Variants in RSRC1 observed in about 807,000 individuals in gnomAD.
RSRC1 encodes the protein arginine and serine rich coiled-coil 1.
A neutral mutation model predicts 49.1 loss-of-function variants in RSRC1; 39 were observed. The observed-to-expected ratio is 0.79, with a 90% CI of 0.61 to 1.04. RSRC1 has a LOEUF of 1.04. RSRC1 is among the 50% of genes least tolerant of loss of function. The probability of loss-of-function intolerance (pLI) is 0.00; values close to 1 mark genes in which losing one functional copy is unlikely to be tolerated. For synonymous variants in RSRC1, 143 were observed against 130.8 expected (o/e 1.09, Z -0.63); for missense variants, 388 against 402.4 (o/e 0.96, Z 0.31).
chr3:158,283,535 C>T (rs1328128768), intron 4 of RSRC1, among the ~76,000 whole-genome samples: 2 of 152,062 alleles, frequency 1.3e-5, no homozygotes, highest in Non-Finnish European at 2.9e-5. Context: ...TAGCACAAGA[C>T]CATTTCGTGA....
intron 6 of RSRC1, among the ~76,000 whole-genome samples, chr3:158,358,124 G>A (rs1731259184): frequency 6.6e-6 from 1 of 152,142 alleles, no homozygotes. Context: ...TTAAAAAAAT[G>A]TACCTATAGG....
chr3:158,198,209 C>G (rs1210284232), intron 3 of RSRC1, among the ~76,000 whole-genome samples: 2 of 152,074 alleles, frequency 1.3e-5, no homozygotes, highest in East Asian at 1.9e-4. Context: ...GGATAGTTAG[C>G]TCTTCTTGTT....
At chr3:158,421,955 C>T (rs995785600) in intron 6 of RSRC1, among the ~76,000 whole-genome samples, 10 of 151,782 alleles carry the variant, frequency 6.6e-5, no homozygotes, top group African/African-American at 2.4e-4. Context: ...CATCCCTATC[C>T]ATTCCTACCC....
At chr3:158,123,382 T>G (rs1402466263) in intron 2 of RSRC1, among the ~76,000 whole-genome samples, 3 of 152,118 alleles carry the variant, frequency 2.0e-5, no homozygotes, top group Non-Finnish European at 4.4e-5. Flanking sequence ...GTCATATCTT[T>G]TGGACTCAAG....
At chr3:158,418,244 C>G (rs1734852626) in intron 6 of RSRC1, among the ~76,000 whole-genome samples, 1 of 151,840 alleles carries the variant, frequency 6.6e-6, no homozygotes, top group African/African-American at 2.4e-5. Flanking sequence ...TCAATAAAAG[C>G]CAAGGATATG....
At chr3:158,297,435 T>A (rs1037579224) in intron 4 of RSRC1, among the ~76,000 whole-genome samples, 13 of 152,002 alleles carry the variant, frequency 8.6e-5, no homozygotes, top group African/African-American at 3.1e-4. Context: ...TTGGTGATAT[T>A]TTCTTTTTTG....
intron 4 of RSRC1, 110 bp downstream of exon 4, chr3:158,203,355 A>G (rs901235532): frequency 5.4e-6 from 6 of 1,109,070 alleles, no homozygotes; most frequent in Non-Finnish European, 7.5e-6. Context: ...CTATAAGAGT[A>G]GAAGAAAATG....
chr3:158,408,276 A>C (rs1267860763), intron 6 of RSRC1, among the ~76,000 whole-genome samples: 1 of 152,220 alleles, frequency 6.6e-6, no homozygotes, highest in Non-Finnish European at 1.5e-5. Flanking sequence ...GTCACCAGAG[A>C]CATATGGAAA....
chr3:158,118,413 C>CTGTGTGTGTGTGTGTG (rs57257889), intron 1 of RSRC1, among the ~76,000 whole-genome samples: 41 of 90,132 alleles, frequency 4.5e-4, no homozygotes, highest in East Asian at 2.0e-3. Context: ...ACCTGGCCTT[C>CTGTGTGTGTGTGTGTG]TGTGTGTGTG....
At chr3:158,288,830 T>TCC (rs1288963294) in intron 4 of RSRC1, among the ~76,000 whole-genome samples, 7 of 14,210 alleles carry the variant, frequency 4.9e-4, no homozygotes, top group African/African-American at 1.0e-3. Flanking sequence ...AGATGCACGT[T>TCC]CCCCGCCCCC....
At chr3:158,382,582 C>T (rs1732758286) in intron 6 of RSRC1, among the ~76,000 whole-genome samples, 1 of 152,142 alleles carries the variant, frequency 6.6e-6, no homozygotes, top group South Asian at 2.1e-4. Context: ...GCCTGGCCAG[C>T]TACCCCCTAC....
chr3:158,158,726 G>A (rs1343995292), intron 3 of RSRC1, among the ~76,000 whole-genome samples: 2 of 152,000 alleles, frequency 1.3e-5, no homozygotes, highest in Non-Finnish European at 2.9e-5. Context: ...GATCACTTGA[G>A]GTCAGGAGTT....
At chr3:158,158,035 A>G (rs183520251) in intron 3 of RSRC1, among the ~76,000 whole-genome samples, 28 of 152,354 alleles carry the variant, frequency 1.8e-4, no homozygotes, top group African/African-American at 6.0e-4. Context: ...GACAGGCTCA[A>G]GCAAGCTTCC....
chr3:158,358,434 C>T (rs6441190), intron 6 of RSRC1, among the ~76,000 whole-genome samples: 2 of 152,038 alleles, frequency 1.3e-5, no homozygotes, highest in Admixed American at 1.3e-4. Flanking sequence ...TGCTTCAATT[C>T]TATTACTTCT....
intron 5 of RSRC1, among the ~76,000 whole-genome samples, chr3:158,311,047 A>T (rs1328488617): frequency 6.6e-6 from 1 of 151,896 alleles, no homozygotes; most frequent in Non-Finnish European, 1.5e-5. Flanking sequence ...ACTTATTAAA[A>T]TACACGTGCT....
chr3:158,178,654 T>C (rs1279070590), intron 3 of RSRC1, among the ~76,000 whole-genome samples: 1 of 152,184 alleles, frequency 6.6e-6, no homozygotes, highest in African/African-American at 2.4e-5. Flanking sequence ...TTTTTCTATA[T>C]GAATTCTAAG....
chr3:158,402,521 A>G (rs1412446418), intron 6 of RSRC1, among the ~76,000 whole-genome samples: 1 of 151,852 alleles, frequency 6.6e-6, no homozygotes, highest in Non-Finnish European at 1.5e-5. Flanking sequence ...GAGTTGTATT[A>G]TAGATCTACT....
intron 4 of RSRC1, among the ~76,000 whole-genome samples, chr3:158,256,758 T>C (rs1423046218): frequency 6.6e-6 from 1 of 152,134 alleles, no homozygotes; most frequent in East Asian, 1.9e-4. Flanking sequence ...GCCTGTTACT[T>C]GTCTATTCAG....
chr3:158,426,272 T>G (rs1033658127), intron 6 of RSRC1, among the ~76,000 whole-genome samples: 1 of 151,570 alleles, frequency 6.6e-6, no homozygotes, highest in Non-Finnish European at 1.5e-5. Context: ...TCAAAAGATA[T>G]AACACATACT....
Sources: allele counts gnomAD v4.1 joint callset (sites outside exome capture counted in the v4.1 genomes callset), GRCh38; gene constraint gnomAD v4.1.1; transcripts MANE v1.5; gene names NCBI Gene and HGNC (gene_info 2026-07-23, HGNC 2026-07-21).